PDE4B: variants seen among roughly 807,000 people sequenced by gnomAD.
The protein encoded by PDE4B is 3',5'-cyclic-AMP phosphodiesterase 4B.
A neutral mutation model predicts 82.2 loss-of-function variants in PDE4B; 20 were observed. The observed-to-expected ratio is 0.24, with a 90% CI of 0.17 to 0.35. PDE4B has a LOEUF of 0.35. PDE4B is among the 10% of genes least tolerant of loss of function. The pLI is 1.00. For synonymous variants in PDE4B, 320 were observed against 318.9 expected (o/e 1.00, Z -0.04); for missense variants, 655 against 907.2 (o/e 0.72, Z 3.57).
At chr1:65,925,276 C>A (rs1347952566) in intron 3 of PDE4B, among the ~76,000 whole-genome samples, 5 of 152,078 alleles carry the variant, frequency 3.3e-5, no homozygotes, top group Non-Finnish European at 7.4e-5. Flanking sequence ...ACCACCATGG[C>A]ACATGTTGTA....
intron 3 of PDE4B, among the ~76,000 whole-genome samples, chr1:65,919,349 G>A (rs1163333287): frequency 1.3e-5 from 2 of 152,108 alleles, no homozygotes; most frequent in Non-Finnish European, 2.9e-5. Flanking sequence ...AGAGATGCTG[G>A]CACTGTTGTG....
intron 3 of PDE4B, among the ~76,000 whole-genome samples, chr1:66,145,298 C>G (rs934355911): frequency 1.3e-5 from 2 of 152,118 alleles, no homozygotes; most frequent in Non-Finnish European, 2.9e-5. Context: ...CCTAAGGGAA[C>G]TGCAGAAAAT....
chr1:66,315,257 G>A (rs1317142326), intron 7 of PDE4B, among the ~76,000 whole-genome samples: 1 of 152,100 alleles, frequency 6.6e-6, no homozygotes, highest in East Asian at 1.9e-4. Flanking sequence ...AGTTTTTGTT[G>A]CACAAGCTCT....
chr1:65,848,327 G>C (rs1380557308), intron 1 of PDE4B, among the ~76,000 whole-genome samples: 4 of 152,024 alleles, frequency 2.6e-5, no homozygotes, highest in Admixed American at 2.6e-4. Flanking sequence ...GTGTGTTTTA[G>C]TAGAGACGGG....
intron 3 of PDE4B, among the ~76,000 whole-genome samples, chr1:65,919,978 T>G (rs560077460): frequency 6.6e-6 from 1 of 152,292 alleles, no homozygotes; most frequent in Admixed American, 6.5e-5. Context: ...GGTTAAAAAT[T>G]TGAGAAGGAC....
chr1:65,976,531 C>T (rs1322575703), intron 3 of PDE4B, among the ~76,000 whole-genome samples: 1 of 152,044 alleles, frequency 6.6e-6, no homozygotes, highest in African/African-American at 2.4e-5. Flanking sequence ...GTGAGAAGGT[C>T]ATGAGATTTG....
chr1:66,184,513 C>T (rs1212584184), intron 3 of PDE4B, among the ~76,000 whole-genome samples: 11 of 152,098 alleles, frequency 7.2e-5, no homozygotes, highest in Non-Finnish European at 1.6e-4. Context: ...CACTTAGTAA[C>T]AGGTAGTTCT....
At chr1:66,332,788 T>A (rs981502852) in intron 8 of PDE4B, among the ~76,000 whole-genome samples, 168 bp downstream of exon 8, 5 of 152,250 alleles carry the variant, frequency 3.3e-5, no homozygotes, top group African/African-American at 1.2e-4. Flanking sequence ...TACTTGTGTC[T>A]TGATGCTACA....
At chr1:66,072,748 G>T (rs12739285) in intron 3 of PDE4B, among the ~76,000 whole-genome samples, 33,243 of 152,042 alleles carry the variant, frequency 0.22, 4,195 homozygotes, top group Middle Eastern at 0.36. Context: ...TAGGTAACCT[G>T]CTAGGTTCTA....
At chr1:65,833,376 G>A (rs908393038) in intron 1 of PDE4B, among the ~76,000 whole-genome samples, 1 of 152,230 alleles carries the variant, frequency 6.6e-6, no homozygotes, top group Non-Finnish European at 1.5e-5. Flanking sequence ...TAAGGCGTCT[G>A]AGGTCCTTGT....
chr1:66,064,979 T>G (rs973899884), intron 3 of PDE4B, among the ~76,000 whole-genome samples: 1 of 151,934 alleles, frequency 6.6e-6, no homozygotes, highest in African/African-American at 2.4e-5. Context: ...TTTCGTTACT[T>G]TTAAATAATA....
chr1:66,236,890 A>C (rs959968039), intron 3 of PDE4B, among the ~76,000 whole-genome samples: 2 of 152,168 alleles, frequency 1.3e-5, no homozygotes, highest in African/African-American at 4.8e-5. Flanking sequence ...TTAATAGCTA[A>C]GTGGTTGTCA....
intron 7 of PDE4B, among the ~76,000 whole-genome samples, chr1:66,320,191 C>A (rs760267037): frequency 6.6e-6 from 1 of 152,064 alleles, no homozygotes; most frequent in Non-Finnish European, 1.5e-5. Context: ...CCCTCATGTC[C>A]TTGAACTCTA....
intron 3 of PDE4B, among the ~76,000 whole-genome samples, chr1:66,240,921 T>C (rs563845338): frequency 1.3e-5 from 2 of 152,194 alleles, no homozygotes; most frequent in East Asian, 3.9e-4. Context: ...TTCAGTTAGT[T>C]CCCCCACAGA....
intron 3 of PDE4B, among the ~76,000 whole-genome samples, chr1:66,233,764 A>T (rs1652180197): frequency 6.6e-6 from 1 of 151,988 alleles, no homozygotes; most frequent in Admixed American, 6.6e-5. Context: ...TCACCTAATT[A>T]TGTGATTACA....
chr1:66,226,615 G>A (rs1004839035), intron 3 of PDE4B, among the ~76,000 whole-genome samples: 1 of 152,138 alleles, frequency 6.6e-6, no homozygotes, highest in Non-Finnish European at 1.5e-5. Context: ...AGGAAAGTTT[G>A]GTTTGTTGCA....
chr1:66,363,807 A>C (rs572646247), intron 12 of PDE4B, among the ~76,000 whole-genome samples: 19 of 152,260 alleles, frequency 1.2e-4, no homozygotes, highest in African/African-American at 4.6e-4. Flanking sequence ...AGTGCCTTAC[A>C]ATATACAATA....
intron 3 of PDE4B, among the ~76,000 whole-genome samples, chr1:66,092,224 C>T (rs942875623): frequency 6.6e-6 from 1 of 151,936 alleles, no homozygotes; most frequent in Non-Finnish European, 1.5e-5. Flanking sequence ...TAAGTCCTCA[C>T]TTGTTGTTGA....
intron 9 of PDE4B, among the ~76,000 whole-genome samples, chr1:66,356,956 AT>A (rs1465312247): frequency 1.3e-5 from 2 of 152,150 alleles, no homozygotes; most frequent in African/African-American, 2.4e-5. Flanking sequence ...TTAAATACTG[AT>A]CCTTTTCTTC....
Sources: allele counts gnomAD v4.1 joint callset (sites outside exome capture counted in the v4.1 genomes callset), GRCh38; gene constraint gnomAD v4.1.1; transcripts MANE v1.5; gene names NCBI Gene and HGNC (gene_info 2026-07-23, HGNC 2026-07-21).